ITGA2: variants seen among roughly 807,000 people sequenced by gnomAD.
The protein encoded by ITGA2 is integrin alpha-2.
In ITGA2, 101 loss-of-function variants were observed where a neutral mutation model predicts 146.3. The ratio of observed to expected loss-of-function variants is 0.69; its 90% CI spans 0.59 to 0.81. The LOEUF (loss-of-function observed/expected upper bound fraction) is 0.81. ITGA2 is among the 40% of genes least tolerant of loss of function. ITGA2 has a pLI of 0.00. For synonymous variants in ITGA2, 477 were observed against 487.1 expected, an observed-to-expected ratio of 0.98 and a Z score of 0.27; for missense variants, 1,281 against 1,402.7, an observed-to-expected ratio of 0.91 and a Z score of 1.39.
intron 23 of ITGA2, 40 bp from the exon 24 acceptor site, chr5:53,078,732 G>C (rs746961443): frequency 8.5e-7 from 1 of 1,180,272 alleles, no homozygotes; most frequent in African/African-American, 1.5e-5. Context: ...AAGAACAAAA[G>C]CAAACTAAAA....
At chr5:52,995,698 A>G (rs149582752) in intron 1 of ITGA2, among the ~76,000 whole-genome samples, 1 of 152,328 alleles carries the variant, frequency 6.6e-6, no homozygotes, top group African/African-American at 2.4e-5. Flanking sequence ...GCAAATAGTT[A>G]TATGTAGTGG....
intron 2 of ITGA2, 38 bp downstream of exon 2, chr5:53,026,906 A>T: frequency 1.3e-6 from 2 of 1,572,390 alleles, no homozygotes; most frequent in Non-Finnish European, 1.7e-6. Flanking sequence ...CAGTAAAAAT[A>T]CAAAATAAAT....
At position 53,093,006 on chromosome 5, in the gene ITGA2, G is replaced by C. The variant is rs1245372709; in HGVS notation, c.*2407G>C. Reference sequence around the variant, plus strand: ...TGTAATCCCAGTTACTCGGGAAGCTGAGGCAGGAGAATCACTTGAACCCGG... The same window carrying C: ...TGTAATCCCAGTTACTCGGGAAGCTCAGGCAGGAGAATCACTTGAACCCGG... On this transcript the variant is annotated 3_prime_UTR_variant, in exon 30 of 30. Coordinates refer to ENST00000296585, the MANE Select transcript of ITGA2 (RefSeq NM_002203.4). The C allele has an allele frequency of 6.6e-6, 1 of 152,362 alleles. No homozygotes were observed. The highest frequency in any genetic ancestry group is 6.5e-5 in the Admixed American group (1 of 15,282). The allele number at this position is 152,362 out of a possible 1,614,324, so 9.4% of individuals were successfully genotyped here. A position where few individuals can be genotyped will look rare whatever the true frequency, so the allele number is the denominator to read the frequency against.
rs79501239 is a variant in ITGA2 at position 53,053,298 on chromosome 5, T to C, written c.779+1739T>C. On this transcript the variant is annotated intron_variant, in intron 7 of 29. Coordinates refer to ENST00000296585, the MANE Select transcript of ITGA2 (RefSeq NM_002203.4). ...TCCCCACAAGAGAAGATATGATTGG[T>C]TTGGTTCATCATTACTGTCTCTATT... Among the ~76,000 whole-genome samples the C allele has an allele frequency of 2.4e-4, 36 of 152,172 alleles. No homozygotes were observed. In the East Asian group the frequency reaches 3.9e-3, roughly 16 times the overall value.
intron 1 of ITGA2, among the ~76,000 whole-genome samples, chr5:53,002,757 C>T (rs1211596759): frequency 6.6e-6 from 1 of 151,990 alleles, no homozygotes; most frequent in Non-Finnish European, 1.5e-5. Flanking sequence ...TGTTTTTTAG[C>T]TCTTGTTGCA....
chr5:53,014,450 TA>T (rs1742304653), intron 1 of ITGA2, among the ~76,000 whole-genome samples: 1 of 152,094 alleles, frequency 6.6e-6, no homozygotes, highest in African/African-American at 2.4e-5. Context: ...GGATAAAACC[TA>T]CTTGATCATG....
intron 1 of ITGA2, among the ~76,000 whole-genome samples, chr5:52,997,392 C>T (rs542995132): frequency 6.6e-6 from 1 of 152,194 alleles, no homozygotes; most frequent in East Asian, 1.9e-4. Flanking sequence ...CACTGAAAGG[C>T]TTTCTGTATA....
In ITGA2 at chr5:53,048,844, A is replaced by C. The variant is rs1007434133; in HGVS notation, c.630+74A>C. On this transcript the variant is annotated intron_variant, in intron 6 of 29. Transcript: ENST00000296585. ...AAAATATTGTTAGCTATGAAGTCTTAATTTTTGTATTTGCCAAATCCCCAT... is the reference window on the plus strand; with the variant it reads ...AAAATATTGTTAGCTATGAAGTCTTCATTTTTGTATTTGCCAAATCCCCAT... 13 of 1,521,166 alleles carry C rather than the reference A, an allele frequency of 8.5e-6. No homozygotes were observed. The African/African-American group carries it at 1.4e-4, about 16-fold the overall frequency. 94.2% of individuals were successfully genotyped at this position (1,521,166 alleles called of 1,614,324 possible). A position where few individuals can be genotyped will look rare whatever the true frequency, so the allele number is the denominator to read the frequency against.
At chr5:53,006,715 A>G (rs1248551770) in intron 1 of ITGA2, among the ~76,000 whole-genome samples, 1 of 152,164 alleles carries the variant, frequency 6.6e-6, no homozygotes, top group African/African-American at 2.4e-5. Context: ...TTATTATAAA[A>G]CAAGTGAAGC....
At chr5:53,016,180 A>G (rs1314095996) in intron 1 of ITGA2, among the ~76,000 whole-genome samples, 10 of 152,192 alleles carry the variant, frequency 6.6e-5, no homozygotes, top group Non-Finnish European at 1.5e-4. Flanking sequence ...TATAGTGTCA[A>G]TGGTCTATGT....
rs1435594031 is a variant in ITGA2 at position 53,065,020 on chromosome 5, G to T, written c.1711G>T (p.Asp571Tyr). Residue 571 changes from aspartate to tyrosine, a missense_variant, in exon 14 of 30, where the codon GAT becomes TAT. Physicochemically the swap from Asp to Tyr is radical, Grantham distance 160. Coordinates refer to ENST00000296585, the MANE Select transcript of ITGA2 (RefSeq NM_002203.4). ...LSDINMDGFN[D>Y]VIVGSPLENQ... is the part of the protein sequence containing the mutation. ...AGACATCAACATGGATGGCTTTAAT[G>T]ATGTGATTGTTGGTTCACCACTAGA... is the stretch of plus-strand genomic sequence containing the variant. The T allele has an allele frequency of 3.1e-6, 5 of 1,612,892 alleles. No individual in the cohort carries two copies. The highest frequency in any genetic ancestry group is 2.2e-5 in the South Asian group (2 of 91,062).
At chr5:53,050,722 A>T (rs912292492) in intron 6 of ITGA2, among the ~76,000 whole-genome samples, 1 of 152,210 alleles carries the variant, frequency 6.6e-6, no homozygotes, top group African/African-American at 2.4e-5. Flanking sequence ...GTGTGACCTT[A>T]TTGATCTCTA....
chr5:53,043,985 G>A (rs547485849), intron 3 of ITGA2, among the ~76,000 whole-genome samples: 39 of 151,826 alleles, frequency 2.6e-4, no homozygotes, highest in Non-Finnish European at 5.2e-4. Flanking sequence ...AAAAGAAGGG[G>A]TGAACTTGGC....
chr5:53,075,353 C>T, intron 23 of ITGA2, 49 bp downstream of exon 23: 2 of 1,484,136 alleles, frequency 1.3e-6, no homozygotes, highest in Non-Finnish European at 1.9e-6. Flanking sequence ...AACTCTAGAT[C>T]AGAAGATTTT....
intron 6 of ITGA2, 96 bp downstream of exon 6, chr5:53,048,866 C>A: frequency 1.5e-6 from 2 of 1,352,814 alleles, no homozygotes; most frequent in Non-Finnish European, 2.1e-6. Context: ...TGCCAAATCC[C>A]CATTTTAAAT....
At chr5:53,035,898 C>T (rs548451833) in intron 2 of ITGA2, among the ~76,000 whole-genome samples, 1 of 152,268 alleles carries the variant, frequency 6.6e-6, no homozygotes, top group Non-Finnish European at 1.5e-5. Flanking sequence ...TCATAGACCT[C>T]TCAAACTTAA....
Position 53,065,062 on chromosome 5 carries a change from G to A in ITGA2, c.1753G>A (p.Ala585Thr), listed in dbSNP as rs142105457. 3.1e-6 allele frequency: 5 copies of A among 1,612,678 alleles called. No homozygotes were observed. The highest frequency in any genetic ancestry group is 4.2e-6 in the Non-Finnish European group (5 of 1,179,198). The change falls in exon 14 of 30, where the codon GCT becomes ACT. Residue 585 changes from alanine to threonine, a missense_variant. Around this residue, in one of 3 missense-constraint regions of ITGA2, gnomAD observed 795 missense variants for 841.7 expected, o/e 0.94. Transcript: ENST00000296585. ...GSPLENQNSG[A>T]VYIYNGHQGT... ...ACCACTAGAAAATCAGAATTCTGGAGCTGTATACATTTACAATGGTCATCA... is the reference window on the plus strand; with the variant it reads ...ACCACTAGAAAATCAGAATTCTGGAACTGTATACATTTACAATGGTCATCA...
At chr5:53,045,382 A>G (rs1257748206) in intron 4 of ITGA2, among the ~76,000 whole-genome samples, 1 of 152,242 alleles carries the variant, frequency 6.6e-6, no homozygotes, top group Non-Finnish European at 1.5e-5. Flanking sequence ...TGATAACAGC[A>G]GAATCCCAAA....
rs1403471693 is a variant in ITGA2, at chr5:53,091,833, G to A, written c.*1234G>A. ...TCTAAATGTTGGAATGTTATGGGAT[G>A]TAAACAATGTAAAGTAAGACATCTC... On this transcript the variant is annotated 3_prime_UTR_variant, in exon 30 of 30. Coordinates refer to ENST00000296585, the MANE Select transcript of ITGA2 (RefSeq NM_002203.4). 6.6e-6 allele frequency: 1 copy of A among 152,212 alleles called. No individual in the cohort carries two copies. The highest frequency in any genetic ancestry group is 1.9e-4 in the East Asian group (1 of 5,196). The allele number at this position is 152,212 out of a possible 1,614,324, so 9.4% of individuals were successfully genotyped here.
Sources: allele counts gnomAD v4.1 joint callset (sites outside exome capture counted in the v4.1 genomes callset), GRCh38; gene constraint gnomAD v4.1.1; regional missense constraint gnomAD v4.1.1; transcripts MANE v1.5; gene names NCBI Gene and HGNC (gene_info 2026-07-23, HGNC 2026-07-21).